OPRD1: variants seen among roughly 807,000 people sequenced by gnomAD.
OPRD1 encodes delta-type opioid receptor.
Under a neutral mutation model 17.5 loss-of-function variants are expected in OPRD1, and 19 were observed. The ratio of observed to expected loss-of-function variants is 1.09; its 90% CI spans 0.76 to 1.60. OPRD1 has a LOEUF of 1.60. OPRD1 is among the 40% of genes most tolerant of loss of function. OPRD1 has a pLI of 0.00. For missense variants in OPRD1, 483 were observed against 547.2 expected (o/e 0.88, Z 1.17); for synonymous variants, 256 against 240.9 (o/e 1.06, Z -0.58).
At chr1:28,841,311 T>A (rs2318774) in intron 1 of OPRD1, among the ~76,000 whole-genome samples, 59,804 of 152,156 alleles carry the variant, frequency 0.39, 12,737 homozygotes, top group African/African-American at 0.56. Flanking sequence ...AATGCTACGG[T>A]GTGGGCCCAT....
intron 1 of OPRD1, among the ~76,000 whole-genome samples, chr1:28,854,116 G>C (rs2089033491): frequency 6.6e-6 from 1 of 152,160 alleles, no homozygotes; most frequent in Non-Finnish European, 1.5e-5. Context: ...GATAGTGGCT[G>C]TCTCTCGGGA....
intron 1 of OPRD1, among the ~76,000 whole-genome samples, chr1:28,819,770 G>A (rs2088696999): frequency 6.6e-6 from 1 of 152,190 alleles, no homozygotes; most frequent in Non-Finnish European, 1.5e-5. Flanking sequence ...GCGGAATGGA[G>A]GCGAGTGCTG....
At chr1:28,861,789 C>T (rs532890843) in intron 2 of OPRD1, among the ~76,000 whole-genome samples, 2 of 150,536 alleles carry the variant, frequency 1.3e-5, no homozygotes, top group East Asian at 2.0e-4. Context: ...CTCTAGGGAG[C>T]CTGACCCTAT....
At chr1:28,812,715 C>T in intron 1 of OPRD1, 105 bp downstream of exon 1, 1 of 1,065,182 alleles carries the variant, frequency 9.4e-7, no homozygotes, top group Non-Finnish European at 1.3e-6. Context: ...CGCGCCTCCG[C>T]ATTTCCTGCA....
Position 28,821,220 on chromosome 1 carries a change from A to C in OPRD1, c.227+8610A>C, listed in dbSNP as rs920141231. On this transcript the variant is annotated intron_variant, in intron 1 of 2. Coordinates refer to ENST00000234961, the MANE Select transcript of OPRD1 (RefSeq NM_000911.4). ...CGGGTTCAAGCAGTTCTCCTCCCTC[A>C]GCCTCCCAAGTAGCTGGGATTACAG... is the stretch of plus-strand genomic sequence containing the variant. 4.0e-5 allele frequency among the ~76,000 whole-genome samples: 6 copies of C among 151,818 alleles called. No individual in the cohort carries two copies. The South Asian group carries it at 1.0e-3, about 26-fold the overall frequency.
chr1:28,863,211 C>T lies in OPRD1; in HGVS notation c.1047C>T (p.Arg349=). The T allele has an allele frequency of 6.3e-7, 1 of 1,581,916 alleles. No individual in the cohort carries two copies. The highest frequency in any genetic ancestry group is 8.5e-7 in the Non-Finnish European group (1 of 1,170,902). The stretch of plus-strand genomic sequence containing the variant: ...ACCCCAGCAGCTTCAGCCGCGCCCG[C>T]GAAGCCACGGCCCGCGAGCGTGTCA... ...RPDPSSFSRA[R]EATARERVTA... is the part of the protein sequence containing the mutation. The change falls in exon 3 of 3, where the codon CGC becomes CGT. Residue 349 remains arginine (R), a synonymous_variant. Coordinates refer to ENST00000234961, the MANE Select transcript of OPRD1 (RefSeq NM_000911.4).
At chr1:28,855,300 C>T (rs934197515) in intron 1 of OPRD1, among the ~76,000 whole-genome samples, 3 of 151,972 alleles carry the variant, frequency 2.0e-5, no homozygotes, top group Admixed American at 6.6e-5. Context: ...CCAGAGGCCC[C>T]GAAGTGGGGA....
At chr1:28,835,622 C>G (rs1421093402) in intron 1 of OPRD1, among the ~76,000 whole-genome samples, 3 of 152,124 alleles carry the variant, frequency 2.0e-5, no homozygotes, top group Non-Finnish European at 4.4e-5. Flanking sequence ...AGAGGGAGCC[C>G]CAGCTGGACC....
Position 28,824,315 on chromosome 1 carries a change from T to G in OPRD1, c.227+11705T>G, listed in dbSNP as rs987535174. On this transcript the variant is annotated intron_variant, in intron 1 of 2. Transcript: ENST00000234961. ...GATGATGGTTCTTTTTCTTTTTTCT[T>G]TTTTTTTTTTTTTTTTTGAGATGGC... 9.0e-4 allele frequency among the ~76,000 whole-genome samples: 43 copies of G among 48,002 alleles called. No homozygotes were observed. The South Asian group carries it at 0.018, about 20-fold the overall frequency. 31.5% of individuals were successfully genotyped at this position (48,002 alleles called of 152,430 possible). A position where few individuals can be genotyped will look rare whatever the true frequency, so the allele number is the denominator to read the frequency against.
Position 28,828,490 on chromosome 1 carries a change from C to T in OPRD1, c.227+15880C>T, listed in dbSNP as rs564066032. On this transcript the variant is annotated intron_variant, in intron 1 of 2. Transcript: ENST00000234961. ...GATTTTTGGAATGGTAAATGAGCAT[C>T]GGCTTCAATTTAAAGTCACCAGCTG... Among the ~76,000 whole-genome samples the T allele has an allele frequency of 3.3e-5, 5 of 152,014 alleles. No homozygotes were observed. In the East Asian group the frequency reaches 5.8e-4, roughly 18 times the overall value.
intron 1 of OPRD1, among the ~76,000 whole-genome samples, chr1:28,847,481 C>T (rs1415930931): frequency 6.6e-6 from 1 of 152,160 alleles, no homozygotes. Flanking sequence ...CATGTACCAG[C>T]TGAGGATCAA....
intron 1 of OPRD1, among the ~76,000 whole-genome samples, chr1:28,827,208 A>T (rs2088775097): frequency 6.6e-6 from 1 of 152,148 alleles, no homozygotes; most frequent in African/African-American, 2.4e-5. Flanking sequence ...AGGTGGGGGG[A>T]TTGCTGAAGT....
At chr1:28,816,840 T>C (rs2088674865) in intron 1 of OPRD1, among the ~76,000 whole-genome samples, 1 of 152,048 alleles carries the variant, frequency 6.6e-6, no homozygotes, top group South Asian at 2.1e-4. Context: ...GGCAGCCCAC[T>C]GGGTAGGTGT....
rs140089578 is a variant in OPRD1 at position 28,842,324 on chromosome 1, C to T, written c.228-16630C>T. On this transcript the variant is annotated intron_variant, in intron 1 of 2. Transcript: ENST00000234961. ...GACCACAGGCATGAGCCACTGCACC[C>T]GGCCTGAGCACCGGGCATTTAGACG... Among the ~76,000 whole-genome samples the T allele has an allele frequency of 2.2e-3, 336 of 152,314 alleles. 1 individual carries two copies. The highest frequency in any genetic ancestry group is 7.7e-3 in the African/African-American group (320 of 41,574).
intron 1 of OPRD1, among the ~76,000 whole-genome samples, chr1:28,856,555 AG>A (rs1232377184): frequency 6.6e-6 from 1 of 151,888 alleles, no homozygotes; most frequent in Admixed American, 6.6e-5. Flanking sequence ...ATCACTCCAG[AG>A]GCATGAGAGC....
At chr1:28,829,600 C>G (rs1184778203) in intron 1 of OPRD1, among the ~76,000 whole-genome samples, 1 of 152,124 alleles carries the variant, frequency 6.6e-6, no homozygotes, top group Non-Finnish European at 1.5e-5. Context: ...AACTCCTGAC[C>G]TCAGGTGATC....
rs371399144 is a variant in OPRD1, at chr1:28,853,365, G to A, written c.228-5589G>A. Among the ~76,000 whole-genome samples, 5 of 152,330 alleles carry A rather than the reference G, an allele frequency of 3.3e-5. No individual in the cohort carries two copies. The East Asian group carries it at 9.6e-4, about 29-fold the overall frequency. ...GGGTTAAGACAGCAGGGCCACAGGG[G>A]TAAAGCAGCCTGGAATGGCCTCTTG... is the stretch of plus-strand genomic sequence containing the variant. On this transcript the variant is annotated intron_variant, in intron 1 of 2. Transcript: ENST00000234961.
Position 28,865,257 on chromosome 1 carries a change from A to G in OPRD1, c.*1974A>G, listed in dbSNP as rs1054112492. The G allele has an allele frequency of 3.3e-5, 5 of 152,272 alleles. No individual in the cohort carries two copies. Among genetic ancestry groups the G allele is most frequent in the Non-Finnish European group, 7.4e-5 (5 of 68,026 alleles). The allele number at this position is 152,272 out of a possible 1,614,324, so 9.4% of individuals were successfully genotyped here. A position where few individuals can be genotyped will look rare whatever the true frequency, so the allele number is the denominator to read the frequency against. ...CTCAGTAATGCACCCCTGACTCCCTATTGAAGCAGTGTGCTGACATCCTTG... is the reference window on the plus strand; with the variant it reads ...CTCAGTAATGCACCCCTGACTCCCTGTTGAAGCAGTGTGCTGACATCCTTG... On this transcript the variant is annotated 3_prime_UTR_variant, in exon 3 of 3. Coordinates refer to ENST00000234961, the MANE Select transcript of OPRD1 (RefSeq NM_000911.4).
At chr1:28,834,961 G>A (rs576631475) in intron 1 of OPRD1, among the ~76,000 whole-genome samples, 1 of 152,208 alleles carries the variant, frequency 6.6e-6, no homozygotes, top group South Asian at 2.1e-4. Flanking sequence ...ATTGGAATAG[G>A]GTCTATGCAC....
Sources: allele counts gnomAD v4.1 joint callset (sites outside exome capture counted in the v4.1 genomes callset), GRCh38; gene constraint gnomAD v4.1.1; transcripts MANE v1.5; gene names NCBI Gene and HGNC (gene_info 2026-07-23, HGNC 2026-07-21).